Variants in CHRNA7 observed in about 807,000 individuals in gnomAD.
The protein encoded by CHRNA7 is neuronal acetylcholine receptor subunit alpha-7.
CHRNA7 carries 17 observed loss-of-function variants against 48.0 expected under a neutral mutation model. That is an observed-to-expected ratio of 0.35 (90% CI 0.24 to 0.53). The LOEUF (loss-of-function observed/expected upper bound fraction) is 0.53, where lower values mean the gene tolerates loss of function less well. Among genes scored for constraint, CHRNA7 ranks in the 20% least tolerant of loss-of-function variants. CHRNA7 has a pLI of 0.92. For synonymous variants in CHRNA7, 75 were observed against 242.3 expected (o/e 0.31, Z 6.41); for missense variants, 155 against 577.7 (o/e 0.27, Z 7.50).
At chr15:32,147,024 A>G (rs1201091010) in intron 4 of CHRNA7, among the ~76,000 whole-genome samples, 1 of 152,244 alleles carries the variant, frequency 6.6e-6, no homozygotes, top group Non-Finnish European at 1.5e-5. Context: ...AAGGAACAAA[A>G]ATAGGGAGTC....
chr15:32,125,042 G>T (rs1447341251), intron 4 of CHRNA7, among the ~76,000 whole-genome samples: 1 of 152,184 alleles, frequency 6.6e-6, no homozygotes, highest in Non-Finnish European at 1.5e-5. Context: ...CTGCCGGGTG[G>T]ATGCCCTAGC....
rs71113441 is a variant in CHRNA7, at chr15:32,070,669, C to CTTTTTTTTTTTTTTTTTTT, written c.196-30617_196-30599dup. Among the ~76,000 whole-genome samples the CTTTTTTTTTTTTTTTTTTT allele has an allele frequency of 1.2e-4, 5 of 40,894 alleles. 1 individual carries two copies. The highest frequency in any genetic ancestry group is 4.6e-4 in the African/African-American group (5 of 10,772). The allele number at this position is 40,894 out of a possible 152,430, so 26.8% of individuals were successfully genotyped here. A position where few individuals can be genotyped will look rare whatever the true frequency, so the allele number is the denominator to read the frequency against. On this transcript the variant is annotated intron_variant, in intron 2 of 9. Transcript: ENST00000306901. The stretch of plus-strand genomic sequence containing the variant: ...TGTGTGAACATGTGAGGTTTAGTTC[C>CTTTTTTTTTTTTTTTTTTT]TTTTTTTTTTTTTTTTTTTTTTTTT...
chr15:32,121,002 G>A (rs1480125056), intron 4 of CHRNA7, among the ~76,000 whole-genome samples: 1 of 152,160 alleles, frequency 6.6e-6, no homozygotes, highest in Non-Finnish European at 1.5e-5. Context: ...GGGTCCCTGC[G>A]CGTGTCCACT....
intron 2 of CHRNA7, chr15:32,099,860 A>G (rs2050540724): frequency 6.6e-6 from 1 of 152,208 alleles, no homozygotes; most frequent in Non-Finnish European, 1.5e-5. Context: ...AACTCCTGGC[A>G]CATTTTATTA....
chr15:32,112,135 G>T (rs1004409495), intron 4 of CHRNA7: 16 of 620,606 alleles, frequency 2.6e-5, no homozygotes, highest in Non-Finnish European at 5.9e-6. Context: ...TACTTAAGAC[G>T]CCCATGAAGT....
intron 2 of CHRNA7, among the ~76,000 whole-genome samples, chr15:32,066,922 G>A (rs2337507): frequency 0.97 from 148,230 of 152,268 alleles, 72,279 homozygotes; most frequent in East Asian, 1. Context: ...TTTCAATAAA[G>A]GATTCGAACA....
At chr15:32,063,848 A>T (rs949760192) in intron 2 of CHRNA7, among the ~76,000 whole-genome samples, 8 of 152,172 alleles carry the variant, frequency 5.3e-5, no homozygotes, top group African/African-American at 1.7e-4. Context: ...CCAAATAGCT[A>T]CTTTGTATTA....
At chr15:32,059,880 A>ATTAT (rs1320201873) in intron 2 of CHRNA7, among the ~76,000 whole-genome samples, 1 of 148,382 alleles carries the variant, frequency 6.7e-6, no homozygotes, top group African/African-American at 2.5e-5. Flanking sequence ...GAGGGCTATA[A>ATTAT]CGCCCAAGCT....
At chr15:32,123,072 A>C (rs1290492929) in intron 4 of CHRNA7, among the ~76,000 whole-genome samples, 2 of 152,236 alleles carry the variant, frequency 1.3e-5, no homozygotes, top group Non-Finnish European at 2.9e-5. Context: ...ATTGTATTCC[A>C]GCAAAATGAG....
chr15:32,123,898 C>G (rs569860013), intron 4 of CHRNA7, among the ~76,000 whole-genome samples: 1 of 151,334 alleles, frequency 6.6e-6, no homozygotes, highest in African/African-American at 2.4e-5. Flanking sequence ...CCTAAGCTCC[C>G]CCCCGCCAAA....
chr15:32,092,753 G>A (rs2050403182), intron 2 of CHRNA7, among the ~76,000 whole-genome samples: 1 of 152,136 alleles, frequency 6.6e-6, no homozygotes, highest in African/African-American at 2.4e-5. Context: ...TCTAAATCCT[G>A]CTCCTAACTT....
chr15:32,118,659 C>T lies in CHRNA7; in HGVS notation c.350+6760C>T, dbSNP rs76165690. ...TTTTTAATTTGTTCATTCACTCAAC[C>T]AATATTTAGTGAAGGCTCCCTCAGC... On this transcript the variant is annotated intron_variant, in intron 4 of 9. Transcript: ENST00000306901. 7.3e-3 allele frequency among the ~76,000 whole-genome samples: 1,104 copies of T among 152,234 alleles called. 13 individuals carry two copies. Among genetic ancestry groups the T allele is most frequent in the African/African-American group, 0.025 (1,048 of 41,522 alleles).
chr15:32,096,352 A>T (rs189248463), intron 2 of CHRNA7, among the ~76,000 whole-genome samples: 22 of 152,002 alleles, frequency 1.4e-4, no homozygotes, highest in Admixed American at 1.4e-3. Flanking sequence ...TTTCTGATTG[A>T]TTTTTTGGAG....
intron 2 of CHRNA7, among the ~76,000 whole-genome samples, chr15:32,085,225 A>C (rs1488708865): frequency 6.6e-6 from 1 of 152,164 alleles, no homozygotes; most frequent in Non-Finnish European, 1.5e-5. Context: ...CAAACTTAGA[A>C]AGTTTCCTGC....
intron 4 of CHRNA7, among the ~76,000 whole-genome samples, chr15:32,138,058 G>T (rs1046646489): frequency 6.6e-6 from 1 of 151,372 alleles, no homozygotes; most frequent in Non-Finnish European, 1.5e-5. Context: ...TAACTCCAAT[G>T]AAAAAAAGAA....
At chr15:32,116,838 G>A (rs2050880198) in intron 4 of CHRNA7, among the ~76,000 whole-genome samples, 3 of 152,246 alleles carry the variant, frequency 2.0e-5, no homozygotes, top group African/African-American at 4.8e-5. Flanking sequence ...GTTTAGAACA[G>A]CATGGGGTTT....
intron 4 of CHRNA7, among the ~76,000 whole-genome samples, chr15:32,146,687 T>C (rs1256382360): frequency 1.3e-5 from 2 of 152,228 alleles, no homozygotes; most frequent in East Asian, 3.8e-4. Flanking sequence ...ACAACATAAA[T>C]GTTGAGTTGT....
chr15:32,084,630 A>C (rs1226896216), intron 2 of CHRNA7, among the ~76,000 whole-genome samples: 1 of 152,256 alleles, frequency 6.6e-6, no homozygotes, highest in Non-Finnish European at 1.5e-5. Context: ...GTGAATCACC[A>C]GTGGTGGACA....
chr15:32,114,053 T>C (rs1320332396), intron 4 of CHRNA7, among the ~76,000 whole-genome samples: 4 of 34,996 alleles, frequency 1.1e-4, no homozygotes, highest in East Asian at 1.3e-3. Flanking sequence ...TGTATATATA[T>C]ATATATACAT....
Sources: gnomAD v4.1 joint callset for allele counts (sites outside exome capture counted in the v4.1 genomes callset) on GRCh38, gnomAD v4.1.1 for gene constraint, MANE v1.5 for transcripts, NCBI Gene and HGNC (gene_info 2026-07-23, HGNC 2026-07-21) for gene names.